Variants in CCN4 observed in about 807,000 individuals in gnomAD.
CCN4 encodes CCN family member 4.
In CCN4, 30 loss-of-function variants were observed where a neutral mutation model predicts 36.7. The ratio of observed to expected loss-of-function variants is 0.82; its 90% CI spans 0.61 to 1.11. The LOEUF is 1.11. Among genes scored for constraint, CCN4 ranks in the 50% least tolerant of loss-of-function variants. The pLI is 0.00. For missense variants in CCN4, 505 were observed against 504.9 expected (o/e 1.00, Z 0.00); for synonymous variants, 191 against 195.4 (o/e 0.98, Z 0.19).
At chr8:133,194,407 T>TGG (rs1853242654) in intron 1 of CCN4, among the ~76,000 whole-genome samples, 1 of 80,670 alleles carries the variant, frequency 1.2e-5, no homozygotes, top group Non-Finnish European at 2.3e-5. Context: ...GGGGTGTGTG[T>TGG]GGATTTGTGT....
rs549220552 is a variant in CCN4, at chr8:133,206,291, T to C, written c.70-6573T>C. Reference sequence around the variant, plus strand: ...ATATTCCCCCAGTGACTCCCCATCATGACAGACCTGGGTGCACTGAGGAGG... The same window carrying C: ...ATATTCCCCCAGTGACTCCCCATCACGACAGACCTGGGTGCACTGAGGAGG... On this transcript the variant is annotated intron_variant, in intron 1 of 4. Transcript: ENST00000250160. Among the ~76,000 whole-genome samples the C allele has an allele frequency of 5.9e-5, 9 of 152,268 alleles. No homozygotes were observed. In the East Asian group the frequency reaches 1.7e-3, roughly 29 times the overall value.
chr8:133,229,320 A>AT lies in CCN4; in HGVS notation c.*1616dup, dbSNP rs1854868265. The AT allele has an allele frequency of 6.6e-6, 1 of 152,186 alleles. No individual in the cohort carries two copies. Among genetic ancestry groups the AT allele is most frequent in the Non-Finnish European group, 1.5e-5 (1 of 68,032 alleles). The allele number at this position is 152,186 out of a possible 1,614,324, so 9.4% of individuals were successfully genotyped here. A position where few individuals can be genotyped will look rare whatever the true frequency, so the allele number is the denominator to read the frequency against. On this transcript the variant is annotated 3_prime_UTR_variant, in exon 5 of 5. Transcript: ENST00000250160. ...GGAAAACATTGCAATAAATGGCTTG[A>AT]TTTTTTAATGTCATTTTTCCCTCTT...
chr8:133,207,452 G>A (rs982752408), intron 1 of CCN4, among the ~76,000 whole-genome samples: 1 of 152,220 alleles, frequency 6.6e-6, no homozygotes, highest in Non-Finnish European at 1.5e-5. Context: ...AAGATCTGAT[G>A]GGAGCATGTC....
rs1032140986 is a variant in CCN4, at chr8:133,230,720, G to A, written c.*3010G>A. 6.6e-6 allele frequency: 1 copy of A among 152,244 alleles called. No individual in the cohort carries two copies. The highest frequency in any genetic ancestry group is 2.4e-5 in the African/African-American group (1 of 41,464). The allele number at this position is 152,244 out of a possible 1,614,324, so 9.4% of individuals were successfully genotyped here. A position where few individuals can be genotyped will look rare whatever the true frequency, so the allele number is the denominator to read the frequency against. On this transcript the variant is annotated 3_prime_UTR_variant, in exon 5 of 5. Transcript: ENST00000250160. The stretch of plus-strand genomic sequence containing the variant: ...CATACTTAGAGTGAATTACTCAGGT[G>A]TGCTTAGGTGTGCAAAAGGGAAGGA...
rs950247068 is a variant in CCN4, at chr8:133,230,801, C to T, written c.*3091C>T. On this transcript the variant is annotated 3_prime_UTR_variant, in exon 5 of 5. Transcript: ENST00000250160. Reference sequence around the variant, plus strand: ...AACCTTATCATAAGCATTTTTTGAGCGCTTAGCATACACCAAGCCTTGTGG... The same window carrying T: ...AACCTTATCATAAGCATTTTTTGAGTGCTTAGCATACACCAAGCCTTGTGG... The T allele has an allele frequency of 2.0e-5, 3 of 152,178 alleles. No homozygotes were observed. The highest frequency in any genetic ancestry group is 2.0e-4 in the Admixed American group (3 of 15,270). The allele number at this position is 152,178 out of a possible 1,614,324, so 9.4% of individuals were successfully genotyped here.
At chr8:133,223,777 A>G (rs1404559636) in intron 3 of CCN4, among the ~76,000 whole-genome samples, 3 of 151,794 alleles carry the variant, frequency 2.0e-5, no homozygotes, top group Non-Finnish European at 4.4e-5. Flanking sequence ...TTTGGATGGG[A>G]CAGGCCTCCT....
chr8:133,200,386 T>C (rs1162799847), intron 1 of CCN4, among the ~76,000 whole-genome samples: 3 of 152,212 alleles, frequency 2.0e-5, no homozygotes, highest in Non-Finnish European at 2.9e-5. Flanking sequence ...ATGCCCACTC[T>C]GCCCTTGTAG....
chr8:133,192,792 A>G (rs1451546727), intron 1 of CCN4, among the ~76,000 whole-genome samples: 6 of 152,216 alleles, frequency 3.9e-5, no homozygotes. Flanking sequence ...GCATGAGTCC[A>G]AGTACTCTGG....
chr8:133,225,318 A>C (rs146626830), intron 3 of CCN4, 72 bp from the exon 4 acceptor site: 10 of 1,465,292 alleles, frequency 6.8e-6, no homozygotes, highest in South Asian at 1.4e-5. Context: ...CGCAGACCTT[A>C]GTGTGGTGAA....
chr8:133,206,858 T>C (rs775923639), intron 1 of CCN4, among the ~76,000 whole-genome samples: 7 of 152,190 alleles, frequency 4.6e-5, no homozygotes, highest in African/African-American at 7.2e-5. Flanking sequence ...AGGGGGTTCT[T>C]GGACAGGCTT....
rs374664591 is a variant in CCN4 at position 133,208,567 on chromosome 8, C to T, written c.70-4297C>T. On this transcript the variant is annotated intron_variant, in intron 1 of 4. Coordinates refer to ENST00000250160, the MANE Select transcript of CCN4 (RefSeq NM_003882.4). ...ACCCATCCTCATCCGTCCTAGCCTT[C>T]GCCTCCTCCTGCCTCCACCCTGCAC... is the stretch of plus-strand genomic sequence containing the variant. Among the ~76,000 whole-genome samples the T allele has an allele frequency of 5.4e-4, 83 of 152,324 alleles. 1 individual carries two copies. The highest frequency in any genetic ancestry group is 1.7e-3 in the South Asian group (8 of 4,828).
At chr8:133,205,666 C>T (rs1009419082) in intron 1 of CCN4, among the ~76,000 whole-genome samples, 1 of 152,146 alleles carries the variant, frequency 6.6e-6, no homozygotes, top group Non-Finnish European at 1.5e-5. Context: ...AGCTTCCAAT[C>T]CCCAAGGAAA....
rs1489970729 is a variant in CCN4, at chr8:133,231,455, A to T, written c.*3745A>T. ...AATAGAGGAAAAATAACACTTGGGC[A>T]ATCTGTCATGTTTCACAACAGTTCT... On this transcript the variant is annotated 3_prime_UTR_variant, in exon 5 of 5. Transcript: ENST00000250160. 6.6e-6 allele frequency: 1 copy of T among 152,206 alleles called. No individual in the cohort carries two copies. Among genetic ancestry groups the T allele is most frequent in the South Asian group, 2.1e-4 (1 of 4,836 alleles). The allele number at this position is 152,206 out of a possible 1,614,324, so 9.4% of individuals were successfully genotyped here. A position where few individuals can be genotyped will look rare whatever the true frequency, so the allele number is the denominator to read the frequency against.
intron 1 of CCN4, among the ~76,000 whole-genome samples, chr8:133,200,098 A>C: frequency 6.6e-6 from 1 of 152,134 alleles, no homozygotes; most frequent in South Asian, 2.1e-4. Context: ...TGAGCCAGGG[A>C]TCCAGTGCAG....
intron 2 of CCN4, among the ~76,000 whole-genome samples, chr8:133,214,902 A>G (rs944706706): frequency 6.6e-6 from 1 of 152,204 alleles, no homozygotes; most frequent in African/African-American, 2.4e-5. Context: ...TGGATTGTCC[A>G]TGAGGGTTAT....
At chr8:133,213,691 G>A (rs536970894) in intron 2 of CCN4, among the ~76,000 whole-genome samples, 4 of 146,840 alleles carry the variant, frequency 2.7e-5, no homozygotes, top group African/African-American at 9.9e-5. Flanking sequence ...GTATATTATA[G>A]AAATATACTA....
intron 3 of CCN4, among the ~76,000 whole-genome samples, chr8:133,221,646 T>C (rs1165532108): frequency 2.6e-5 from 4 of 151,698 alleles, no homozygotes; most frequent in Admixed American, 6.6e-5. Context: ...AGTGGATAGA[T>C]GAATTGATGG....
intron 1 of CCN4, among the ~76,000 whole-genome samples, chr8:133,206,818 C>G (rs2977534): frequency 6.6e-6 from 1 of 152,178 alleles, no homozygotes; most frequent in African/African-American, 2.4e-5. Flanking sequence ...AAGATGTGAC[C>G]TCGCCACCCC....
At chr8:133,200,308 A>T (rs534696389) in intron 1 of CCN4, among the ~76,000 whole-genome samples, 2 of 152,340 alleles carry the variant, frequency 1.3e-5, no homozygotes, top group Admixed American at 1.3e-4. Flanking sequence ...ACTGGAGCCC[A>T]GGGCCTCTCC....
Sources: gnomAD v4.1 joint callset for allele counts (sites outside exome capture counted in the v4.1 genomes callset) on GRCh38, gnomAD v4.1.1 for gene constraint, MANE v1.5 for transcripts, NCBI Gene and HGNC (gene_info 2026-07-23, HGNC 2026-07-21) for gene names.